Variants in PCDHA4 observed in about 807,000 individuals in gnomAD.
The protein encoded by PCDHA4 is protocadherin alpha 4.
PCDHA4 carries 49 observed loss-of-function variants against 61.4 expected under a neutral mutation model. That is an observed-to-expected ratio of 0.80 (90% CI 0.63 to 1.01). The LOEUF (loss-of-function observed/expected upper bound fraction) is 1.01. Among genes scored for constraint, PCDHA4 ranks in the 50% least tolerant of loss-of-function variants. The pLI is 0.00. For missense variants in PCDHA4, 1,254 were observed against 1,235.8 expected (o/e 1.01, Z -0.22); for synonymous variants, 590 against 550.3 (o/e 1.07, Z -1.01).
At position 141,010,031 on chromosome 5, in the gene PCDHA4, A is replaced by C; in HGVS notation, c.*94A>C. On this transcript the variant is annotated 3_prime_UTR_variant, in exon 4 of 4. Transcript: ENST00000530339. Reference sequence around the variant, plus strand: ...TTCCCTGCTCCTTTTTCCTATCTACATGAGCCCTCTTAGAGACCTCAGAAA... The same window carrying C: ...TTCCCTGCTCCTTTTTCCTATCTACCTGAGCCCTCTTAGAGACCTCAGAAA... 4 of 1,581,690 alleles carry C rather than the reference A, an allele frequency of 2.5e-6. No individual in the cohort carries two copies. Among genetic ancestry groups the C allele is most frequent in the South Asian group, 1.2e-5 (1 of 84,422 alleles).
chr5:140,836,580 A>C (rs2150264588), intron 1 of PCDHA4: 1 of 1,613,664 alleles, frequency 6.2e-7, no homozygotes, highest in Non-Finnish European at 8.5e-7. Flanking sequence ...GGGCGCATGT[A>C]GTTTGGTAAA....
intron 3 of PCDHA4, among the ~76,000 whole-genome samples, chr5:141,004,902 G>A (rs1554259808): frequency 1.3e-5 from 2 of 152,084 alleles, no homozygotes; most frequent in African/African-American, 4.8e-5. Flanking sequence ...GCTCTGCCAG[G>A]GTGTAAGGAA....
At chr5:141,003,432 C>T (rs1175854943) in intron 3 of PCDHA4, among the ~76,000 whole-genome samples, 1 of 152,124 alleles carries the variant, frequency 6.6e-6, no homozygotes, top group African/African-American at 2.4e-5. Context: ...ATGCCTCAGC[C>T]TCCCAAGTAG....
intron 1 of PCDHA4, chr5:140,870,012 C>T (rs2051581500): frequency 6.2e-7 from 1 of 1,613,354 alleles, no homozygotes; most frequent in African/African-American, 1.3e-5. Context: ...AAGTGAGGGT[C>T]AATGGAACTT....
At chr5:140,850,905 A>G in intron 1 of PCDHA4, 1 of 1,550,536 alleles carries the variant, frequency 6.4e-7, no homozygotes, top group Non-Finnish European at 8.7e-7. Context: ...TTTTTCTAGC[A>G]TTTTATTTAT....
At chr5:140,993,817 T>C (rs1467199618) in intron 3 of PCDHA4, among the ~76,000 whole-genome samples, 2 of 152,240 alleles carry the variant, frequency 1.3e-5, no homozygotes, top group Non-Finnish European at 2.9e-5. Context: ...CTAGGAGCAA[T>C]AGGCTATACC....
chr5:140,966,750 C>A, intron 1 of PCDHA4: 1 of 1,428,438 alleles, frequency 7.0e-7, no homozygotes, highest in South Asian at 1.5e-5. Flanking sequence ...CGGCTGCCTC[C>A]GCCGCGGCCA....
Position 140,901,240 on chromosome 5 carries a change from C to T in PCDHA4, c.2386-77709C>T, listed in dbSNP as rs868923936. 8.9e-4 allele frequency among the ~76,000 whole-genome samples: 135 copies of T among 151,946 alleles called. 1 individual carries two copies. Among genetic ancestry groups the T allele is most frequent in the Middle Eastern group, 6.8e-3 (2 of 294 alleles). The stretch of plus-strand genomic sequence containing the variant: ...TGTGATCCCATATATCCATTTTTTT[C>T]CTTTGGTTCCCTGTGATTGTGGGGT... On this transcript the variant is annotated intron_variant, in intron 1 of 3. Transcript: ENST00000530339.
chr5:140,900,683 T>C (rs144072569), intron 1 of PCDHA4, among the ~76,000 whole-genome samples: 52 of 152,340 alleles, frequency 3.4e-4, no homozygotes, highest in African/African-American at 9.9e-4. Context: ...ATCTCTTCAA[T>C]ATACTGATTT....
chr5:140,903,121 C>A (rs2070010801), intron 1 of PCDHA4, among the ~76,000 whole-genome samples: 2 of 152,188 alleles, frequency 1.3e-5, no homozygotes, highest in Non-Finnish European at 2.9e-5. Flanking sequence ...ACTTCTAAAT[C>A]TTTAAGAAAT....
chr5:140,869,283 G>A, intron 1 of PCDHA4: 2 of 1,613,602 alleles, frequency 1.2e-6, no homozygotes, highest in Non-Finnish European at 1.7e-6. Flanking sequence ...CGGAGCTGGT[G>A]CAGCGCCTGT....
At chr5:140,836,792 G>A (rs781818049) in intron 1 of PCDHA4, 3 of 1,416,344 alleles carry the variant, frequency 2.1e-6, no homozygotes, top group Non-Finnish European at 2.9e-6. Context: ...AGTTCAATTG[G>A]TCTCCTTAAA....
intron 1 of PCDHA4, chr5:140,821,666 A>C: frequency 1.6e-6 from 2 of 1,238,068 alleles, no homozygotes; most frequent in South Asian, 1.6e-5. Context: ...CTGTGCCAAG[A>C]AGCTCAGAAA....
chr5:140,812,020 A>G (rs1295694653), intron 1 of PCDHA4: 3 of 150,728 alleles, frequency 2.0e-5, no homozygotes, highest in Non-Finnish European at 4.4e-5. Context: ...TTGGACTTTT[A>G]AAATGAGTTT....
intron 1 of PCDHA4, chr5:140,823,604 T>G: frequency 5.6e-6 from 9 of 1,613,998 alleles, no homozygotes; most frequent in Non-Finnish European, 7.6e-6. Context: ...TCGTATGAGC[T>G]GCAGCCAGCG....
In PCDHA4 at chr5:140,936,292, T is replaced by C. The variant is rs74627153; in HGVS notation, c.2386-42657T>C. Among the ~76,000 whole-genome samples the C allele has an allele frequency of 4.3e-3, 649 of 152,348 alleles. 6 individuals are homozygous for C. Among genetic ancestry groups the C allele is most frequent in the African/African-American group, 0.013 (538 of 41,592 alleles). On this transcript the variant is annotated intron_variant, in intron 1 of 3. Transcript: ENST00000530339. Reference sequence around the variant, plus strand: ...TATTCCTGTGTTTTCTTCTATAACATTGCTATCCAATAGAACTTTCTGACA... The same window carrying C: ...TATTCCTGTGTTTTCTTCTATAACACTGCTATCCAATAGAACTTTCTGACA...
chr5:140,927,247 G>A (rs782521189), intron 1 of PCDHA4: 7 of 1,613,978 alleles, frequency 4.3e-6, no homozygotes, highest in Middle Eastern at 3.3e-4. Flanking sequence ...GGACACCAAT[G>A]ACAACTCACC....
At chr5:140,883,483 C>T (rs1554178423) in intron 1 of PCDHA4, 2 of 1,614,078 alleles carry the variant, frequency 1.2e-6, no homozygotes, top group African/African-American at 2.7e-5. Flanking sequence ...AGAACTACTA[C>T]TCATTAGTGC....
intron 1 of PCDHA4, chr5:140,836,191 A>T (rs2150255019): frequency 1.2e-6 from 2 of 1,613,828 alleles, no homozygotes; most frequent in Non-Finnish European, 1.7e-6. Context: ...GACTCAGGCT[A>T]CAACGCGTGG....
Sources: allele counts gnomAD v4.1 joint callset (sites outside exome capture counted in the v4.1 genomes callset), GRCh38; gene constraint gnomAD v4.1.1; transcripts MANE v1.5; gene names NCBI Gene and HGNC (gene_info 2026-07-23, HGNC 2026-07-21).